Variants in HIPK2 observed in about 807,000 individuals in gnomAD.
HIPK2 encodes homeodomain-interacting protein kinase 2.
HIPK2 carries 27 observed loss-of-function variants against 113.7 expected under a neutral mutation model. The ratio of observed to expected loss-of-function variants is 0.24; its 90% CI spans 0.17 to 0.33. HIPK2 has a LOEUF of 0.33. HIPK2 is among the 10% of genes least tolerant of loss of function. The pLI, the probability that HIPK2 is intolerant of heterozygous loss-of-function variation, is 1.00. For missense variants in HIPK2, 1,257 were observed against 1,588.0 expected, an observed-to-expected ratio of 0.79 and a Z score of 3.54; for synonymous variants, 631 against 642.2, an observed-to-expected ratio of 0.98 and a Z score of 0.26.
At chr7:139,760,033 T>C (rs1354448212) in intron 1 of HIPK2, among the ~76,000 whole-genome samples, 1 of 151,784 alleles carries the variant, frequency 6.6e-6, no homozygotes, top group Non-Finnish European at 1.5e-5. Context: ...GACAGAGTCT[T>C]GCTCTGTCGC....
At chr7:139,739,604 T>C (rs1025635222) in intron 1 of HIPK2, among the ~76,000 whole-genome samples, 1 of 150,588 alleles carries the variant, frequency 6.6e-6, no homozygotes, top group Non-Finnish European at 1.5e-5. Context: ...AAAAAAGGTA[T>C]AGTTCAGTGG....
intron 7 of HIPK2, among the ~76,000 whole-genome samples, chr7:139,619,018 T>G (rs917239962): frequency 6.6e-6 from 1 of 152,200 alleles, no homozygotes; most frequent in Non-Finnish European, 1.5e-5. Flanking sequence ...TCCCAACAGC[T>G]CTTTCACCCT....
intron 2 of HIPK2, among the ~76,000 whole-genome samples, chr7:139,682,690 G>A (rs75995619): frequency 0.018 from 2,739 of 152,264 alleles, 92 homozygotes; most frequent in East Asian, 0.092. Context: ...TTTCAAATGC[G>A]CCTAATGGTA....
chr7:139,693,977 A>G (rs1794491259), intron 2 of HIPK2, among the ~76,000 whole-genome samples: 1 of 151,156 alleles, frequency 6.6e-6, no homozygotes, highest in Non-Finnish European at 1.5e-5. Flanking sequence ...CCACATGCAT[A>G]AAGAGTGCAG....
intron 12 of HIPK2, among the ~76,000 whole-genome samples, chr7:139,595,340 G>A (rs1799165663): frequency 6.6e-6 from 1 of 152,174 alleles, no homozygotes; most frequent in Admixed American, 6.5e-5. Flanking sequence ...TGAACCGACA[G>A]TATTCCTGGG....
intron 2 of HIPK2, among the ~76,000 whole-genome samples, chr7:139,667,595 C>T (rs79359604): frequency 2.6e-3 from 389 of 152,180 alleles, no homozygotes; most frequent in African/African-American, 8.9e-3. Flanking sequence ...GTAGTGACTG[C>T]CATTTCAGAA....
chr7:139,688,171 C>A (rs1431715811), intron 2 of HIPK2, among the ~76,000 whole-genome samples: 1 of 152,202 alleles, frequency 6.6e-6, no homozygotes, highest in Non-Finnish European at 1.5e-5. Context: ...CCTCTTCTTG[C>A]CCTCTGAAGC....
chr7:139,611,898 C>T (rs926934588), intron 9 of HIPK2, among the ~76,000 whole-genome samples: 1 of 152,084 alleles, frequency 6.6e-6, no homozygotes, highest in African/African-American at 2.4e-5. Context: ...ATGACTTACA[C>T]GTTTAAAGAT....
intron 2 of HIPK2, among the ~76,000 whole-genome samples, chr7:139,705,810 A>G (rs1253254701): frequency 6.6e-6 from 1 of 151,754 alleles, no homozygotes; most frequent in Non-Finnish European, 1.5e-5. Context: ...AATAATAACA[A>G]GGATGAAAAG....
chr7:139,748,383 G>A (rs1376481198), intron 1 of HIPK2, among the ~76,000 whole-genome samples: 1 of 151,984 alleles, frequency 6.6e-6, no homozygotes, highest in East Asian at 1.9e-4. Context: ...CCACAAGCTG[G>A]GGGGCATAAT....
chr7:139,598,661 G>C lies in HIPK2; in HGVS notation c.2436-1663C>G, dbSNP rs151027155. Among the ~76,000 whole-genome samples the C allele has an allele frequency of 4.5e-3, 691 of 152,286 alleles. 7 individuals are homozygous for C. The highest frequency in any genetic ancestry group is 0.016 in the African/African-American group (649 of 41,564). ...GATCTTGAAATGTACTGGCAATGAG[G>C]CTTCATGAAGTCAGCTGGGTGGTGA... On this transcript the variant is annotated intron_variant, in intron 11 of 14. Transcript: ENST00000406875.
At chr7:139,612,264 G>A (rs992594366) in intron 9 of HIPK2, among the ~76,000 whole-genome samples, 3 of 152,020 alleles carry the variant, frequency 2.0e-5, no homozygotes, top group African/African-American at 7.2e-5. Flanking sequence ...TAACAAGACA[G>A]GACAAATAGT....
rs142601444 is a variant in HIPK2, at chr7:139,740,184, C to T, written c.20-23169G>A. On this transcript the variant is annotated intron_variant, in intron 1 of 14. Coordinates refer to ENST00000406875, the MANE Select transcript of HIPK2 (RefSeq NM_022740.5). ...GGTCCCAGGCAAAGCGCACAGAAGG[C>T]CCTTCTGCAGAGATGCTGCCCTTCT... 2.1e-3 allele frequency among the ~76,000 whole-genome samples: 321 copies of T among 152,302 alleles called. 2 individuals are homozygous for T. The highest frequency in any genetic ancestry group is 7.3e-3 in the African/African-American group (304 of 41,570).
chr7:139,742,892 A>AT (rs1316726341), intron 1 of HIPK2, among the ~76,000 whole-genome samples: 1 of 152,228 alleles, frequency 6.6e-6, no homozygotes, highest in Non-Finnish European at 1.5e-5. Flanking sequence ...AACAGAGACT[A>AT]TAAACTGTCT....
At chr7:139,692,842 C>A (rs1457462288) in intron 2 of HIPK2, among the ~76,000 whole-genome samples, 2 of 152,244 alleles carry the variant, frequency 1.3e-5, no homozygotes, top group African/African-American at 4.8e-5. Context: ...AGAAGTACGG[C>A]TCTAAATTTC....
At chr7:139,649,302 G>A (rs567357639) in intron 2 of HIPK2, among the ~76,000 whole-genome samples, 20 of 152,246 alleles carry the variant, frequency 1.3e-4, no homozygotes, top group Non-Finnish European at 2.5e-4. Context: ...AGGTACACGC[G>A]CAAATGTTAC....
At chr7:139,606,306 G>A (rs1469067008) in intron 9 of HIPK2, among the ~76,000 whole-genome samples, 2 of 152,122 alleles carry the variant, frequency 1.3e-5, no homozygotes, top group African/African-American at 4.8e-5. Flanking sequence ...GTGAGGTAGG[G>A]ACTGTTATTT....
chr7:139,722,028 A>G, intron 1 of HIPK2: 1 of 475,154 alleles, frequency 2.1e-6, no homozygotes, highest in Non-Finnish European at 4.2e-6. Flanking sequence ...ACTCTGTCTC[A>G]TAAACAGGCT....
chr7:139,730,963 G>T (rs1795760242), intron 1 of HIPK2, among the ~76,000 whole-genome samples: 1 of 152,196 alleles, frequency 6.6e-6, no homozygotes, highest in South Asian at 2.1e-4. Context: ...GCCATCAGAA[G>T]CCGAGAGAAG....
Sources: allele counts gnomAD v4.1 joint callset (sites outside exome capture counted in the v4.1 genomes callset), GRCh38; gene constraint gnomAD v4.1.1; transcripts MANE v1.5; gene names NCBI Gene and HGNC (gene_info 2026-07-23, HGNC 2026-07-21).